Variants in EYS observed in about 807,000 individuals in gnomAD.
The protein encoded by EYS is EGF-like photoreceptor maintenance factor, also known as protein eyes shut homolog.
EYS carries 250 observed loss-of-function variants against 282.1 expected under a neutral mutation model. The observed-to-expected ratio is 0.89, with a 90% confidence interval of 0.80 to 0.98. The LOEUF is 0.98. Among genes scored for constraint, EYS ranks in the 50% least tolerant of loss-of-function variants. The pLI is 0.00. For synonymous variants in EYS, 1,355 were observed against 1,282.9 expected, an observed-to-expected ratio of 1.06 and a Z score of -1.20; for missense variants, 4,016 against 3,709.0, an observed-to-expected ratio of 1.08 and a Z score of -2.15.
intron 22 of EYS, among the ~76,000 whole-genome samples, chr6:64,743,891 A>G (rs549342394): frequency 6.6e-6 from 1 of 152,274 alleles, no homozygotes; most frequent in East Asian, 1.9e-4. Context: ...TAGATGAAAT[A>G]CAAGTGGCTA....
chr6:64,179,900 A>G (rs1356210689), intron 31 of EYS, among the ~76,000 whole-genome samples: 4 of 152,178 alleles, frequency 2.6e-5, no homozygotes, highest in Admixed American at 2.6e-4. Flanking sequence ...AGCTCAAGGT[A>G]TAATTGATAA....
intron 2 of EYS, among the ~76,000 whole-genome samples, chr6:65,496,898 T>G (rs1425065513): frequency 4.6e-5 from 7 of 152,086 alleles, no homozygotes; most frequent in Non-Finnish European, 1.5e-5. Flanking sequence ...TCTAACATTT[T>G]AATGGGTATT....
chr6:65,287,295 C>T (rs937311032), intron 12 of EYS, among the ~76,000 whole-genome samples: 1 of 151,398 alleles, frequency 6.6e-6, no homozygotes, highest in Non-Finnish European at 1.5e-5. Context: ...AGCATAAATG[C>T]TAAACATATC....
intron 30 of EYS, among the ~76,000 whole-genome samples, chr6:64,268,111 C>A (rs1428113243): frequency 4.6e-5 from 7 of 151,720 alleles, no homozygotes. Context: ...CAACTGCAAC[C>A]AACAAATCCA....
chr6:65,363,812 A>G (rs1376298926), intron 8 of EYS, among the ~76,000 whole-genome samples: 1 of 151,824 alleles, frequency 6.6e-6, no homozygotes, highest in Non-Finnish European at 1.5e-5. Flanking sequence ...TATGTGAACT[A>G]AATTTTCCCT....
intron 22 of EYS, among the ~76,000 whole-genome samples, chr6:64,724,570 T>A (rs543179886): frequency 7.9e-5 from 12 of 152,164 alleles, no homozygotes; most frequent in Non-Finnish European, 1.6e-4. Flanking sequence ...TAAAGAATAG[T>A]TTACATCTGA....
intron 12 of EYS, among the ~76,000 whole-genome samples, chr6:65,200,008 T>C (rs624378): frequency 0.38 from 57,310 of 151,940 alleles, 11,768 homozygotes; most frequent in African/African-American, 0.54. Context: ...TATCTTATTT[T>C]GAATATGATG....
chr6:63,962,162 G>C (rs1337855878), intron 35 of EYS, among the ~76,000 whole-genome samples: 5 of 152,102 alleles, frequency 3.3e-5, no homozygotes, highest in Non-Finnish European at 5.9e-5. Flanking sequence ...AACCCTAGAA[G>C]AAAACCTAGG....
chr6:64,756,644 C>T (rs749541254), intron 22 of EYS, among the ~76,000 whole-genome samples: 2 of 152,106 alleles, frequency 1.3e-5, no homozygotes, highest in African/African-American at 4.8e-5. Context: ...AAAACAGAAC[C>T]TTATTAAAAT....
intron 33 of EYS, among the ~76,000 whole-genome samples, chr6:64,025,409 C>T (rs376962699): frequency 2.1e-4 from 32 of 152,178 alleles, no homozygotes; most frequent in Non-Finnish European, 3.7e-4. Flanking sequence ...ACTCACCCAT[C>T]TATCCTATCT....
intron 5 of EYS, among the ~76,000 whole-genome samples, chr6:65,471,309 T>C (rs1189074467): frequency 6.6e-6 from 1 of 151,236 alleles, no homozygotes; most frequent in Non-Finnish European, 1.5e-5. Flanking sequence ...AGTGGGAGGA[T>C]TACTTAAGCC....
At chr6:65,464,112 C>T (rs1262983586) in intron 5 of EYS, among the ~76,000 whole-genome samples, 2 of 151,978 alleles carry the variant, frequency 1.3e-5, no homozygotes, top group East Asian at 3.9e-4. Flanking sequence ...TGTAAATTGT[C>T]ATGTAGTCTA....
intron 13 of EYS, among the ~76,000 whole-genome samples, chr6:65,033,480 C>T (rs1413362135): frequency 6.6e-6 from 1 of 152,154 alleles, no homozygotes; most frequent in Non-Finnish European, 1.5e-5. Flanking sequence ...GTCACAAGGC[C>T]CTTTTGAAGT....
chr6:64,182,525 G>A (rs1264488666), intron 31 of EYS, among the ~76,000 whole-genome samples: 1 of 151,994 alleles, frequency 6.6e-6, no homozygotes, highest in Non-Finnish European at 1.5e-5. Context: ...TGTTTCTACT[G>A]TATCATTTTC....
At chr6:63,829,787 A>G (rs1216826331) in intron 36 of EYS, among the ~76,000 whole-genome samples, 1 of 152,248 alleles carries the variant, frequency 6.6e-6, no homozygotes, top group African/African-American at 2.4e-5. Flanking sequence ...CTGACCCCTG[A>G]GTAGCCTAAC....
At chr6:64,090,770 T>A (rs1244784155) in intron 31 of EYS, among the ~76,000 whole-genome samples, 1 of 152,154 alleles carries the variant, frequency 6.6e-6, no homozygotes, top group Non-Finnish European at 1.5e-5. Flanking sequence ...CCTCTTCCCA[T>A]CCTTCCACTC....
chr6:64,827,271 G>A (rs1765088477), intron 19 of EYS, among the ~76,000 whole-genome samples: 2 of 151,506 alleles, frequency 1.3e-5, no homozygotes, highest in African/African-American at 4.8e-5. Flanking sequence ...TTTTATTTGA[G>A]GTCTTACAAA....
At chr6:65,118,485 C>A (rs1468042651) in intron 12 of EYS, among the ~76,000 whole-genome samples, 1 of 152,170 alleles carries the variant, frequency 6.6e-6, no homozygotes, top group Non-Finnish European at 1.5e-5. Context: ...AAGAATTATA[C>A]TGGCTGTTTT....
chr6:64,409,327 G>A (rs1245018049), intron 28 of EYS, among the ~76,000 whole-genome samples: 1 of 152,124 alleles, frequency 6.6e-6, no homozygotes, highest in Non-Finnish European at 1.5e-5. Context: ...TGGGATTGTT[G>A]GGTTGAATGG....
Sources: gnomAD v4.1 joint callset for allele counts (sites outside exome capture counted in the v4.1 genomes callset) on GRCh38, gnomAD v4.1.1 for gene constraint, MANE v1.5 for transcripts, NCBI Gene and HGNC (gene_info 2026-07-23, HGNC 2026-07-21) for gene names.